Variants in RPAP3 observed in about 807,000 individuals in gnomAD.
RPAP3 encodes the protein RNA polymerase II-associated protein 3.
A neutral mutation model predicts 88.8 loss-of-function variants in RPAP3; 58 were observed. That is an observed-to-expected ratio of 0.65 (90% CI 0.53 to 0.81). RPAP3 has a LOEUF of 0.81. Ranked by LOEUF, RPAP3 falls within the 40% of genes least tolerant of loss-of-function variation. The pLI is 0.00. For missense variants in RPAP3, 751 were observed against 764.3 expected, an observed-to-expected ratio of 0.98 and a Z score of 0.20; for synonymous variants, 255 against 259.9, an observed-to-expected ratio of 0.98 and a Z score of 0.18.
chr12:47,692,216 CAA>C (rs1384272872), intron 5 of RPAP3, among the ~76,000 whole-genome samples: 2 of 152,234 alleles, frequency 1.3e-5, no homozygotes, highest in Admixed American at 1.3e-4. Context: ...TAGCCCCTAA[CAA>C]GAGAGAGAAT....
chr12:47,698,325 T>TAA (rs1421791894), intron 3 of RPAP3, among the ~76,000 whole-genome samples: 1 of 152,110 alleles, frequency 6.6e-6, no homozygotes, highest in Non-Finnish European at 1.5e-5. Flanking sequence ...CGATATGTTA[T>TAA]ACTGTCTCTC....
At chr12:47,688,216 T>G (rs1415855107) in intron 7 of RPAP3, among the ~76,000 whole-genome samples, 1 of 152,166 alleles carries the variant, frequency 6.6e-6, no homozygotes, top group South Asian at 2.1e-4. Context: ...TCATTTCAAT[T>G]AAAATTAGTA....
At position 47,671,923 on chromosome 12, in the gene RPAP3, A is replaced by T. The variant is rs1939006791; in HGVS notation, c.1288-1578T>A. Among the ~76,000 whole-genome samples, 5 of 152,128 alleles carry T rather than the reference A, an allele frequency of 3.3e-5. No homozygotes were observed. The South Asian group carries it at 6.2e-4, about 19-fold the overall frequency. ...AACTTAAGAAAATATGAAAGGTTCA[A>T]TTCACTCCTTTTTTAAAATCATGAC... On this transcript the variant is annotated intron_variant, in intron 12 of 16. Coordinates refer to ENST00000005386, the MANE Select transcript of RPAP3 (RefSeq NM_024604.3).
Position 47,702,718 on chromosome 12 carries a change from T to C in RPAP3, c.123A>G (p.Glu41=). The C allele has an allele frequency of 6.2e-7, 1 of 1,611,044 alleles. No homozygotes were observed. Among genetic ancestry groups the C allele is most frequent in the Non-Finnish European group, 8.5e-7 (1 of 1,178,364 alleles). Residue 41 remains glutamate, a synonymous_variant, in exon 2 of 17, where the codon GAA becomes GAG. Coordinates refer to ENST00000005386, the MANE Select transcript of RPAP3 (RefSeq NM_024604.3). The part of the protein sequence containing the change: ...WEKDIKQKDM[E]LRRQNGVPEE... ...CAGGAACACCATTCTGTCTTCTTAG[T>C]TCCATATCCTTTTGTTTAATGTCTT...
intron 12 of RPAP3, among the ~76,000 whole-genome samples, chr12:47,678,871 C>G (rs1268026322): frequency 6.6e-6 from 1 of 152,188 alleles, no homozygotes; most frequent in African/African-American, 2.4e-5. Context: ...ACTAGAATTA[C>G]CATTTGACCC....
intron 5 of RPAP3, 152 bp downstream of exon 5, chr12:47,696,124 T>A (rs1939521162): frequency 5.1e-6 from 3 of 587,768 alleles, no homozygotes; most frequent in African/African-American, 1.9e-5. Flanking sequence ...AATAATTCAA[T>A]AAAAAGGAGT....
intron 12 of RPAP3, among the ~76,000 whole-genome samples, chr12:47,672,053 G>A (rs146273808): frequency 2.0e-4 from 30 of 151,868 alleles, no homozygotes; most frequent in Non-Finnish European, 3.8e-4. Context: ...GACCAAACAG[G>A]TGAAGTTTTG....
Position 47,682,560 on chromosome 12 carries a change from G to A in RPAP3, c.993-743C>T, listed in dbSNP as rs558985696. On this transcript the variant is annotated intron_variant, in intron 9 of 16. Transcript: ENST00000005386. ...TTTATGATTTGCTTTACAATAATTCGGGGGGAAAATGCTGAAACAAATATG... is the reference window on the plus strand; with the variant it reads ...TTTATGATTTGCTTTACAATAATTCAGGGGGAAAATGCTGAAACAAATATG... 3.3e-5 allele frequency among the ~76,000 whole-genome samples: 5 copies of A among 151,816 alleles called. No individual in the cohort carries two copies. In the East Asian group the frequency reaches 5.8e-4, roughly 18 times the overall value.
intron 14 of RPAP3, among the ~76,000 whole-genome samples, chr12:47,668,543 T>C (rs1206544824): frequency 6.6e-6 from 1 of 152,216 alleles, no homozygotes; most frequent in Non-Finnish European, 1.5e-5. Flanking sequence ...CTAAATTTCA[T>C]GGGATTTGAT....
At chr12:47,693,965 A>G (rs1437716858) in intron 5 of RPAP3, among the ~76,000 whole-genome samples, 1 of 152,254 alleles carries the variant, frequency 6.6e-6, no homozygotes, top group Non-Finnish European at 1.5e-5. Flanking sequence ...TTTCACATTC[A>G]TCTATAATAA....
intron 2 of RPAP3, 114 bp from the exon 3 acceptor site, chr12:47,701,718 A>G (rs1758793300): frequency 2.3e-6 from 2 of 859,102 alleles, no homozygotes; most frequent in South Asian, 3.7e-5. Flanking sequence ...TTTTAATTTT[A>G]AAGTGTTTAA....
chr12:47,677,148 G>C (rs1439495987), intron 12 of RPAP3, among the ~76,000 whole-genome samples: 6 of 151,952 alleles, frequency 3.9e-5, no homozygotes, highest in Admixed American at 3.9e-4. Context: ...AAACCACATG[G>C]TTATCCCAAT....
chr12:47,702,652 G>C (rs377167388), intron 2 of RPAP3, 36 bp downstream of exon 2: 3 of 1,474,498 alleles, frequency 2.0e-6, no homozygotes, highest in Non-Finnish European at 2.7e-6. Flanking sequence ...TATAAAATTA[G>C]TTTTGGTGGA....
rs1263066686 is a variant in RPAP3 at position 47,696,329 on chromosome 12, T to C, written c.492A>G (p.Pro164=). Residue 164 remains proline (P), a synonymous_variant, in exon 5 of 17, where the codon CCA becomes CCG. Coordinates refer to ENST00000005386, the MANE Select transcript of RPAP3 (RefSeq NM_024604.3). ...TGTTCGTTGGCAACACGGGATTATA[T>C]GGATCGGCATCCATGCCTTTTGTGT... is the stretch of plus-strand genomic sequence containing the variant. The part of the protein sequence containing the change: ...DCYTKGMDAD[P]YNPVLPTNRA... 1.9e-6 allele frequency: 3 copies of C among 1,601,284 alleles called. No individual in the cohort carries two copies. Among genetic ancestry groups the C allele is most frequent in the South Asian group, 2.3e-5 (2 of 88,222 alleles).
chr12:47,669,181 T>C, intron 13 of RPAP3, 79 bp from the exon 14 acceptor site: 1 of 1,003,122 alleles, frequency 1.0e-6, no homozygotes, highest in Non-Finnish European at 1.5e-6. Flanking sequence ...AATAAAAATT[T>C]TTAAATTTTT....
In RPAP3 at chr12:47,691,168, C is replaced by T. The variant is rs902350709; in HGVS notation, c.546-529G>A. Among the ~76,000 whole-genome samples the T allele has an allele frequency of 2.6e-5, 4 of 152,152 alleles. 1 individual carries two copies. The highest frequency in any genetic ancestry group is 2.6e-4 in the Admixed American group (4 of 15,272). ...TTCTTTCAATATTGGAGTCAATCCTCTCAAACTCTGCCACTTTATCAACTA... is the reference window on the plus strand; with the variant it reads ...TTCTTTCAATATTGGAGTCAATCCTTTCAAACTCTGCCACTTTATCAACTA... On this transcript the variant is annotated intron_variant, in intron 5 of 16. Coordinates refer to ENST00000005386, the MANE Select transcript of RPAP3 (RefSeq NM_024604.3).
intron 12 of RPAP3, 47 bp from the exon 13 acceptor site, chr12:47,670,392 C>A: frequency 8.8e-7 from 1 of 1,142,798 alleles, no homozygotes. Flanking sequence ...TTAAAGGTTT[C>A]CTATTTTAGG....
chr12:47,678,819 A>G (rs1315458586), intron 12 of RPAP3, among the ~76,000 whole-genome samples: 4 of 152,220 alleles, frequency 2.6e-5, no homozygotes, highest in African/African-American at 9.7e-5. Context: ...AACTGGTTCA[A>G]CCATTGTGGA....
At chr12:47,691,059 T>G (rs1411642365) in intron 5 of RPAP3, among the ~76,000 whole-genome samples, 1 of 152,242 alleles carries the variant, frequency 6.6e-6, no homozygotes, top group African/African-American at 2.4e-5. Context: ...TTGGACGATC[T>G]TGCCTTGATG....
Sources: gnomAD v4.1 joint callset for allele counts (sites outside exome capture counted in the v4.1 genomes callset) on GRCh38, gnomAD v4.1.1 for gene constraint, MANE v1.5 for transcripts, NCBI Gene and HGNC (gene_info 2026-07-23, HGNC 2026-07-21) for gene names.